XKR6: variants seen among roughly 807,000 people sequenced by gnomAD.
XKR6 encodes the protein XK related 6.
A neutral mutation model predicts 56.7 loss-of-function variants in XKR6; 22 were observed. The ratio of observed to expected loss-of-function variants is 0.39; its 90% confidence interval spans 0.28 to 0.55. XKR6 has a LOEUF of 0.55. XKR6 is among the 20% of genes least tolerant of loss of function. XKR6 has a pLI of 0.66. For synonymous variants in XKR6, 524 were observed against 387.8 expected (o/e 1.35, Z -4.13); for missense variants, 852 against 889.0 (o/e 0.96, Z 0.53).
At chr8:11,098,585 G>T (rs1798348628) in intron 1 of XKR6, among the ~76,000 whole-genome samples, 1 of 152,268 alleles carries the variant, frequency 6.6e-6, no homozygotes, top group East Asian at 1.9e-4. Flanking sequence ...AGGCTAGGAT[G>T]ACTATGTGGT....
intron 1 of XKR6, among the ~76,000 whole-genome samples, chr8:11,184,959 A>G (rs991422589): frequency 5.3e-5 from 8 of 152,232 alleles, no homozygotes; most frequent in African/African-American, 7.2e-5. Context: ...ACCATCATTT[A>G]GTTACACAGT....
intron 1 of XKR6, among the ~76,000 whole-genome samples, chr8:11,006,206 T>A (rs1798365388): frequency 6.6e-6 from 1 of 152,126 alleles, no homozygotes; most frequent in Non-Finnish European, 1.5e-5. Context: ...ATTGATTCAC[T>A]AGAGAGTAGG....
chr8:10,956,797 G>C (rs575241800), intron 1 of XKR6, among the ~76,000 whole-genome samples: 1 of 152,318 alleles, frequency 6.6e-6, no homozygotes, highest in East Asian at 1.9e-4. Context: ...GATTGAACTA[G>C]AAACTGGGAT....
At chr8:10,949,099 C>A (rs1801637163) in intron 1 of XKR6, among the ~76,000 whole-genome samples, 1 of 152,246 alleles carries the variant, frequency 6.6e-6, no homozygotes, top group Admixed American at 6.5e-5. Flanking sequence ...TGGAAACACC[C>A]TGGGAGTCCG....
intron 1 of XKR6, among the ~76,000 whole-genome samples, chr8:10,931,719 C>T (rs1801054329): frequency 6.6e-6 from 1 of 151,962 alleles, no homozygotes. Context: ...TAAAATGTAT[C>T]ATAGGTTAAC....
At chr8:11,120,759 A>T (rs1471541883) in intron 1 of XKR6, among the ~76,000 whole-genome samples, 1 of 152,234 alleles carries the variant, frequency 6.6e-6, no homozygotes, top group African/African-American at 2.4e-5. Flanking sequence ...ACAAAGCTGG[A>T]GGTATCACAC....
intron 1 of XKR6, among the ~76,000 whole-genome samples, chr8:11,013,430 G>A (rs1035628111): frequency 6.6e-6 from 1 of 152,216 alleles, no homozygotes; most frequent in Non-Finnish European, 1.5e-5. Flanking sequence ...CGGCTCTCAT[G>A]TTTATTTGAG....
chr8:11,049,660 T>A (rs2129159198), intron 1 of XKR6, among the ~76,000 whole-genome samples: 1 of 152,050 alleles, frequency 6.6e-6, no homozygotes, highest in South Asian at 2.1e-4. Context: ...GGTGCCCACC[T>A]CCCCGTGGGC....
Position 10,961,776 on chromosome 8 carries a change from C to T in XKR6, c.765-36946G>A, listed in dbSNP as rs543051883. ...CATGCAGCCTCCATCGCTTCATTTGCCCACAGTTGTCCAGTTCTTATGCCA... is the reference window on the plus strand; with the variant it reads ...CATGCAGCCTCCATCGCTTCATTTGTCCACAGTTGTCCAGTTCTTATGCCA... On this transcript the variant is annotated intron_variant, in intron 1 of 2. Coordinates refer to ENST00000416569, the MANE Select transcript of XKR6 (RefSeq NM_173683.4). Among the ~76,000 whole-genome samples the T allele has an allele frequency of 2.3e-3, 353 of 152,310 alleles. 1 individual carries two copies. The highest frequency in any genetic ancestry group is 0.01 in the Middle Eastern group (3 of 294).
chr8:11,197,153 C>T (rs923691754), intron 1 of XKR6, among the ~76,000 whole-genome samples: 2 of 152,186 alleles, frequency 1.3e-5, no homozygotes, highest in Admixed American at 1.3e-4. Flanking sequence ...GAACCACTGA[C>T]GATCCTCTTA....
intron 1 of XKR6, among the ~76,000 whole-genome samples, chr8:11,003,989 G>A (rs978724327): frequency 2.0e-5 from 3 of 152,138 alleles, no homozygotes; most frequent in Admixed American, 1.3e-4. Flanking sequence ...GCGAAGGAAG[G>A]GCGGGTGGCT....
intron 1 of XKR6, among the ~76,000 whole-genome samples, chr8:10,997,447 C>T (rs571859379): frequency 8.5e-5 from 13 of 152,260 alleles, no homozygotes; most frequent in South Asian, 8.3e-4. Flanking sequence ...GCAGGGGTGG[C>T]GGTCTGAGCT....
At chr8:10,961,407 C>A (rs1480185068) in intron 1 of XKR6, among the ~76,000 whole-genome samples, 1 of 152,170 alleles carries the variant, frequency 6.6e-6, no homozygotes. Context: ...GCCTTTTGGG[C>A]AGAGCTTGGG....
chr8:10,971,663 A>T lies in XKR6; in HGVS notation c.765-46833T>A, dbSNP rs527642350. 2.0e-5 allele frequency among the ~76,000 whole-genome samples: 3 copies of T among 152,034 alleles called. No homozygotes were observed. The East Asian group carries it at 5.8e-4, about 30-fold the overall frequency. On this transcript the variant is annotated intron_variant, in intron 1 of 2. Coordinates refer to ENST00000416569, the MANE Select transcript of XKR6 (RefSeq NM_173683.4). ...CTGCCCAGCGGTCCTAACTACCTTC[A>T]CTTTTTGTACCATTTTCTCAGGACC...
intron 2 of XKR6, among the ~76,000 whole-genome samples, chr8:10,924,278 G>T (rs1215495046): frequency 6.6e-6 from 1 of 152,256 alleles, no homozygotes; most frequent in East Asian, 1.9e-4. Context: ...CTGGTCTGTG[G>T]CTTCCCCTCC....
chr8:11,154,513 T>A (rs772103292), intron 1 of XKR6, among the ~76,000 whole-genome samples: 17 of 152,152 alleles, frequency 1.1e-4, no homozygotes, highest in Non-Finnish European at 1.8e-4. Flanking sequence ...TAACAATAAG[T>A]GTAACAGCTT....
At chr8:11,005,707 A>G (rs953665136) in intron 1 of XKR6, among the ~76,000 whole-genome samples, 4 of 152,208 alleles carry the variant, frequency 2.6e-5, no homozygotes, top group African/African-American at 7.2e-5. Flanking sequence ...CAAAAATATT[A>G]TAAGATAGGA....
At chr8:11,144,139 T>C (rs1177777619) in intron 1 of XKR6, among the ~76,000 whole-genome samples, 1 of 151,936 alleles carries the variant, frequency 6.6e-6, no homozygotes, top group Non-Finnish European at 1.5e-5. Flanking sequence ...CACATATGAA[T>C]TTGCTGAGGG....
At chr8:11,118,491 T>C (rs191277683) in intron 1 of XKR6, among the ~76,000 whole-genome samples, 2 of 152,344 alleles carry the variant, frequency 1.3e-5, no homozygotes, top group Admixed American at 6.5e-5. Flanking sequence ...TCAGAGCCTG[T>C]TATTGGTCTA....
Sources: allele counts gnomAD v4.1 joint callset (sites outside exome capture counted in the v4.1 genomes callset), GRCh38; gene constraint gnomAD v4.1.1; transcripts MANE v1.5; gene names NCBI Gene and HGNC (gene_info 2026-07-23, HGNC 2026-07-21).